The following TMPRSS9 variants were observed in gnomAD, a reference collection of about 807,000 sequenced individuals.
TMPRSS9 encodes the protein transmembrane serine protease 9.
TMPRSS9 carries 113 observed loss-of-function variants against 111.4 expected under a neutral mutation model. The observed-to-expected ratio is 1.01, with a 90% confidence interval of 0.87 to 1.19. The LOEUF (loss-of-function observed/expected upper bound fraction) is 1.19, where lower values mean the gene tolerates loss of function less well. TMPRSS9 is among the 50% of genes most tolerant of loss of function. TMPRSS9 has a pLI of 0.00. For synonymous variants in TMPRSS9, 805 were observed against 659.1 expected (o/e 1.22, Z -3.39); for missense variants, 1,803 against 1,513.1 (o/e 1.19, Z -3.18).
chr19:2,402,801 T>C (rs1568180684), intron 5 of TMPRSS9, among the ~76,000 whole-genome samples: 2 of 151,748 alleles, frequency 1.3e-5, no homozygotes, highest in African/African-American at 2.4e-5. Flanking sequence ...GTTGGTGGTG[T>C]GCACCTGTGG....
chr19:2,366,640 A>T lies in TMPRSS9; in HGVS notation c.-26+6280A>T, dbSNP rs909715119. On this transcript the variant is annotated intron_variant, in intron 1 of 17. Transcript: ENST00000649857. ...TGGGAGGCTGAGGAGGGCAGATCAC[A>T]AGGTCAGGAGATCAAGACCATCCTG... Among the ~76,000 whole-genome samples the T allele has an allele frequency of 2.2e-4, 34 of 151,326 alleles. 1 individual carries two copies. The highest frequency in any genetic ancestry group is 7.8e-4 in the African/African-American group (32 of 41,218).
chr19:2,418,637 TCCC>T, intron 13 of TMPRSS9, among the ~76,000 whole-genome samples: 2 of 2,408 alleles, frequency 8.3e-4, no homozygotes, highest in East Asian at 8.3e-3. Context: ...CCTCCCTCCC[TCCC>T]TTTCCTTCCC....
At chr19:2,380,351 T>G (rs1257270052) in intron 1 of TMPRSS9, among the ~76,000 whole-genome samples, 1 of 151,680 alleles carries the variant, frequency 6.6e-6, no homozygotes, top group Non-Finnish European at 1.5e-5. Flanking sequence ...ATCCCAGGAC[T>G]TTGGGAGGCC....
chr19:2,390,755 A>G (rs1382415096), intron 1 of TMPRSS9, among the ~76,000 whole-genome samples: 2 of 151,918 alleles, frequency 1.3e-5, no homozygotes, highest in Non-Finnish European at 2.9e-5. Context: ...CAGGAGGCTG[A>G]GGCAGGAGAA....
At chr19:2,404,623 A>G (rs1020788284) in intron 6 of TMPRSS9, among the ~76,000 whole-genome samples, 1 of 151,940 alleles carries the variant, frequency 6.6e-6, no homozygotes, top group African/African-American at 2.4e-5. Context: ...TTTCATGATC[A>G]GTAGTGACAA....
At chr19:2,398,848 G>A (rs576227404) in exon 3 of TMPRSS9, 20 of 1,514,406 alleles carry the variant, frequency 1.3e-5, no homozygotes, top group African/African-American at 6.9e-5. Flanking sequence ...TGGGTTGCTC[G>A]GTACTGAATT....
At chr19:2,424,458 C>T (rs1380004509) in intron 15 of TMPRSS9, among the ~76,000 whole-genome samples, 1 of 151,510 alleles carries the variant, frequency 6.6e-6, no homozygotes, top group Non-Finnish European at 1.5e-5. Context: ...CACCCACCCC[C>T]TAGCCTGACC....
intron 2 of TMPRSS9, among the ~76,000 whole-genome samples, chr19:2,397,109 C>T (rs1378951934): frequency 6.6e-6 from 1 of 151,552 alleles, no homozygotes; most frequent in Non-Finnish European, 1.5e-5. Context: ...TTAGTAGAGA[C>T]GGGGTTTCAC....
intron 13 of TMPRSS9, among the ~76,000 whole-genome samples, 188 bp downstream of exon 14, chr19:2,418,326 C>T (rs1971320239): frequency 5.0e-5 from 2 of 39,702 alleles, no homozygotes; most frequent in African/African-American, 5.5e-4. Flanking sequence ...TCCCTCCCTC[C>T]CTCCCTTTCC....
chr19:2,403,052 G>T (rs540999175), intron 5 of TMPRSS9, 30 bp from the exon 7 acceptor site: 1 of 1,564,430 alleles, frequency 6.4e-7, no homozygotes, highest in African/African-American at 1.3e-5. Context: ...GTAGCATGAG[G>T]TCAGAAAGTC....
intron 1 of TMPRSS9, among the ~76,000 whole-genome samples, chr19:2,378,589 A>C (rs1970356844): frequency 6.6e-6 from 1 of 152,110 alleles, no homozygotes; most frequent in African/African-American, 2.4e-5. Context: ...ATGGTGGTGC[A>C]CACCTGTAGT....
chr19:2,395,356 C>T (rs551672341), intron 1 of TMPRSS9, among the ~76,000 whole-genome samples: 124 of 152,186 alleles, frequency 8.1e-4, no homozygotes, highest in African/African-American at 2.9e-3. Context: ...TCGCTTGAAC[C>T]CGGGAGATGG....
intron 8 of TMPRSS9, 101 bp downstream of exon 9, chr19:2,408,731 C>T (rs1300249571): frequency 1.4e-6 from 2 of 1,460,002 alleles, no homozygotes; most frequent in African/African-American, 1.4e-5. Flanking sequence ...CATCCCAGCA[C>T]TTTGGGAGGC....
chr19:2,396,396 C>CG, intron 1 of TMPRSS9, 143 bp from the exon 3 acceptor site: 1 of 960,512 alleles, frequency 1.0e-6, no homozygotes, highest in Non-Finnish European at 1.5e-6. Flanking sequence ...AGGGCTATCA[C>CG]GGGGGCGTCG....
At chr19:2,373,138 C>G (rs2145249235) in intron 1 of TMPRSS9, among the ~76,000 whole-genome samples, 1 of 151,332 alleles carries the variant, frequency 6.6e-6, no homozygotes, top group Admixed American at 6.6e-5. Context: ...CAGCCAGAAA[C>G]TTGGGTTTAA....
At chr19:2,405,706 CTTTTTTT>C (rs10608410) in intron 7 of TMPRSS9, among the ~76,000 whole-genome samples, 161 bp downstream of exon 8, 2 of 135,846 alleles carry the variant, frequency 1.5e-5, no homozygotes, top group Admixed American at 7.4e-5. Context: ...TGAGGGCATT[CTTTTTTT>C]TTTTTTTTTT....
upstream of TMPRSS9, among the ~76,000 whole-genome samples, chr19:2,387,882 C>T (rs1410517711): frequency 3.3e-5 from 5 of 152,080 alleles, no homozygotes; most frequent in Admixed American, 1.3e-4. Context: ...GCACCCTTAA[C>T]GGCTGTGACC....
chr19:2,388,561 GC>G, upstream of TMPRSS9, among the ~76,000 whole-genome samples: 1 of 152,184 alleles, frequency 6.6e-6, no homozygotes, highest in East Asian at 1.9e-4. Context: ...TCGATGGTGA[GC>G]CCTGCAAGAT....
At chr19:2,369,097 G>A (rs889002604) in intron 1 of TMPRSS9, among the ~76,000 whole-genome samples, 3 of 151,472 alleles carry the variant, frequency 2.0e-5, no homozygotes, top group Admixed American at 6.6e-5. Flanking sequence ...GATTACAGGC[G>A]CCCACCACCA....
Sources: allele counts gnomAD v4.1 joint callset (sites outside exome capture counted in the v4.1 genomes callset), GRCh38; gene constraint gnomAD v4.1.1; transcripts MANE v1.5; gene names NCBI Gene and HGNC (gene_info 2026-07-23, HGNC 2026-07-21).